Variants in CDH23 observed in about 807,000 individuals in gnomAD.
CDH23 encodes the protein cadherin-23.
A neutral mutation model predicts 317.1 loss-of-function variants in CDH23; 189 were observed. That is an observed-to-expected ratio of 0.60 (90% CI 0.53 to 0.67). The LOEUF is 0.67. Among genes scored for constraint, CDH23 ranks in the 30% least tolerant of loss-of-function variants. The pLI is 0.00. For synonymous variants in CDH23, 1,839 were observed against 1,876.8 expected (o/e 0.98, Z 0.52); for missense variants, 4,401 against 4,592.4 (o/e 0.96, Z 1.20).
rs754985174 is a variant in CDH23 at position 71,734,640 on chromosome 10, C to T, written c.4207-16C>T. ...CTTTTCTCTCACTCCCCTCCTGCTG[C>T]TGCCTCTGCCTACAGAAGGTGAGTA... On this transcript the variant is annotated splice_polypyrimidine_tract_variant and intron_variant, in intron 33 of 69. Transcript: ENST00000224721. 6.7e-7 allele frequency: 1 copy of T among 1,495,518 alleles called. No individual in the cohort carries two copies. Among genetic ancestry groups the T allele is most frequent in the South Asian group, 1.1e-5 (1 of 89,100 alleles). The allele number at this position is 1,495,518 out of a possible 1,614,324, so 92.6% of individuals were successfully genotyped here. A position where few individuals can be genotyped will look rare whatever the true frequency, so the allele number is the denominator to read the frequency against.
chr10:71,527,872 A>C (rs1855131072), intron 6 of CDH23, among the ~76,000 whole-genome samples: 1 of 152,024 alleles, frequency 6.6e-6, no homozygotes, highest in African/African-American at 2.4e-5. Context: ...AGAAGAGGAG[A>C]GATCAGTTTG....
At chr10:71,745,878 T>C (rs1839843069) in intron 38 of CDH23, among the ~76,000 whole-genome samples, 1 of 152,242 alleles carries the variant, frequency 6.6e-6, no homozygotes, top group Admixed American at 6.5e-5. Context: ...GCTGCTACCC[T>C]GCATAGATCC....
At chr10:71,806,352 CTATA>C (rs1026703399) in intron 57 of CDH23, 71 bp downstream of exon 57, 1 of 1,017,414 alleles carries the variant, frequency 9.8e-7, no homozygotes, top group African/African-American at 1.6e-5. Context: ...ACACACTCTC[CTATA>C]TACACTGTGC....
chr10:71,761,608 C>A, intron 38 of CDH23: 1 of 1,590,966 alleles, frequency 6.3e-7, no homozygotes. Context: ...CTGTCTGCAC[C>A]TGCAGCTCCA....
rs1841858880 is a variant in CDH23, at chr10:71,809,808, G to A, written c.8723-12G>A. 6.2e-7 allele frequency: 1 copy of A among 1,607,786 alleles called. No homozygotes were observed. The highest frequency in any genetic ancestry group is 8.5e-7 in the Non-Finnish European group (1 of 1,176,254). On this transcript the variant is annotated splice_polypyrimidine_tract_variant and intron_variant, in intron 60 of 69. Coordinates refer to ENST00000224721, the MANE Select transcript of CDH23 (RefSeq NM_022124.6). ...GTCTCTGAGCCGTACCCCGCCTTTG[G>A]GCTTCCTGCAGGGAGCATGGACGGC...
In CDH23 at chr10:71,551,432, C is replaced by G. The variant is rs531771266; in HGVS notation, c.430-15310C>G. On this transcript the variant is annotated intron_variant, in intron 6 of 69. Coordinates refer to ENST00000224721, the MANE Select transcript of CDH23 (RefSeq NM_022124.6). ...TGGGACTCTGTTTCTAGGTGGAAAT[C>G]GAGTCTCCGCATTCTTCATTCCAGA... Among the ~76,000 whole-genome samples, 9 of 152,260 alleles carry G rather than the reference C, an allele frequency of 5.9e-5. No individual in the cohort carries two copies. The South Asian group carries it at 8.3e-4, about 14-fold the overall frequency.
At chr10:71,436,384 C>A (rs7088574) in intron 1 of CDH23, among the ~76,000 whole-genome samples, 47,937 of 152,168 alleles carry the variant, frequency 0.32, 7,806 homozygotes, top group Middle Eastern at 0.45. Context: ...TGTATGCAGG[C>A]GCTCACTTTT....
At chr10:71,616,772 G>C (rs1383707233) in intron 10 of CDH23, among the ~76,000 whole-genome samples, 1 of 152,180 alleles carries the variant, frequency 6.6e-6, no homozygotes, top group East Asian at 1.9e-4. Flanking sequence ...TCGAGCACAG[G>C]GTTCAGCCCA....
At chr10:71,444,040 C>T (rs1041643715) in intron 2 of CDH23, among the ~76,000 whole-genome samples, 1 of 152,250 alleles carries the variant, frequency 6.6e-6, no homozygotes, top group African/African-American at 2.4e-5. Context: ...CTGGCCTCAA[C>T]AGCCCAAAGC....
intron 3 of CDH23, among the ~76,000 whole-genome samples, chr10:71,509,729 T>A (rs1853846647): frequency 6.6e-6 from 1 of 152,168 alleles, no homozygotes; most frequent in Non-Finnish European, 1.5e-5. Flanking sequence ...AACATAAGAC[T>A]TGAAATATTG....
intron 9 of CDH23, among the ~76,000 whole-genome samples, chr10:71,611,522 T>A (rs529485779): frequency 6.6e-6 from 1 of 152,164 alleles, no homozygotes; most frequent in African/African-American, 2.4e-5. Context: ...CCAACATTTG[T>A]TGGGAGTTTC....
chr10:71,672,056 A>G (rs1010345865), intron 14 of CDH23, among the ~76,000 whole-genome samples: 1 of 151,852 alleles, frequency 6.6e-6, no homozygotes, highest in Non-Finnish European at 1.5e-5. Context: ...TGGTTGGGGG[A>G]GACGCACGTT....
At chr10:71,698,972 CT>C (rs1408959329) in intron 22 of CDH23, among the ~76,000 whole-genome samples, 2 of 152,172 alleles carry the variant, frequency 1.3e-5, no homozygotes, top group Non-Finnish European at 2.9e-5. Context: ...AAAAATAGGG[CT>C]AGTAAGAGTC....
intron 24 of CDH23, among the ~76,000 whole-genome samples, chr10:71,703,068 G>A (rs1045787350): frequency 2.0e-5 from 3 of 152,152 alleles, no homozygotes; most frequent in African/African-American, 7.2e-5. Context: ...CTTCTCATAA[G>A]CCCCGGATCA....
At chr10:71,524,082 G>A (rs114812253) in intron 6 of CDH23, among the ~76,000 whole-genome samples, 4 of 152,286 alleles carry the variant, frequency 2.6e-5, no homozygotes, top group African/African-American at 9.6e-5. Flanking sequence ...TTCTGTTCTT[G>A]GGCTTTCAGA....
At chr10:71,691,451 A>G (rs1191497669) in intron 20 of CDH23, among the ~76,000 whole-genome samples, 1 of 152,204 alleles carries the variant, frequency 6.6e-6, no homozygotes, top group African/African-American at 2.4e-5. Flanking sequence ...AAGGCACCCC[A>G]CTTCCAATAC....
chr10:71,450,046 A>G (rs1307295824), intron 3 of CDH23, among the ~76,000 whole-genome samples: 1 of 152,148 alleles, frequency 6.6e-6, no homozygotes, highest in East Asian at 1.9e-4. Context: ...GAATCCCTGC[A>G]TGTCTTGCTC....
chr10:71,469,474 A>G (rs565413497), intron 3 of CDH23, among the ~76,000 whole-genome samples: 9 of 152,308 alleles, frequency 5.9e-5, no homozygotes, highest in Non-Finnish European at 1.2e-4. Context: ...ACCACAGTTT[A>G]TTCCTTTTTA....
chr10:71,560,875 G>A (rs1165193749), intron 6 of CDH23, among the ~76,000 whole-genome samples: 1 of 152,042 alleles, frequency 6.6e-6, no homozygotes, highest in African/African-American at 2.4e-5. Flanking sequence ...AAAGACTGTA[G>A]CAGCATCTAG....
Sources: gnomAD v4.1 joint callset for allele counts (sites outside exome capture counted in the v4.1 genomes callset) on GRCh38, gnomAD v4.1.1 for gene constraint, MANE v1.5 for transcripts, NCBI Gene and HGNC (gene_info 2026-07-23, HGNC 2026-07-21) for gene names.